TMEM260: variants seen among roughly 807,000 people sequenced by gnomAD.
TMEM260 encodes protein O-mannosyl-transferase TMEM260.
In TMEM260, 82 loss-of-function variants were observed where a neutral mutation model predicts 88.9. That is an observed-to-expected ratio of 0.92 (90% CI 0.77 to 1.11). The LOEUF (loss-of-function observed/expected upper bound fraction) is 1.11. Ranked by LOEUF, TMEM260 falls within the 50% of genes least tolerant of loss-of-function variation. The pLI, the probability that TMEM260 is intolerant of heterozygous loss-of-function variation, is 0.00. For missense variants in TMEM260, 902 were observed against 853.4 expected, an observed-to-expected ratio of 1.06 and a Z score of -0.71; for synonymous variants, 314 against 309.3, an observed-to-expected ratio of 1.02 and a Z score of -0.16.
intron 1 of TMEM260, 80 bp from the exon 2 acceptor site, chr14:56,584,921 G>A (rs947979828): frequency 3.4e-6 from 4 of 1,164,948 alleles, no homozygotes; most frequent in Non-Finnish European, 5.1e-6. Flanking sequence ...AAACCCCAAT[G>A]CAAGCATTTG....
chr14:56,635,813 CAAGA>C (rs1381721711), intron 14 of TMEM260, among the ~76,000 whole-genome samples: 2 of 151,188 alleles, frequency 1.3e-5, no homozygotes, highest in Non-Finnish European at 2.9e-5. Flanking sequence ...AAAGAGTGGT[CAAGA>C]AATACAGCTG....
downstream of TMEM260, among the ~76,000 whole-genome samples, chr14:56,655,163 G>A (rs994415780): frequency 2.0e-5 from 3 of 152,020 alleles, no homozygotes; most frequent in Non-Finnish European, 2.9e-5. Context: ...AGGCTGAGGC[G>A]GGTGGATCAT....
intron 13 of TMEM260, among the ~76,000 whole-genome samples, chr14:56,634,086 T>G (rs1242886121): frequency 6.6e-6 from 1 of 152,204 alleles, no homozygotes; most frequent in Admixed American, 6.5e-5. Flanking sequence ...ATTATCCCCA[T>G]TCTATCAAAT....
At chr14:56,651,756 A>C (rs537276356), downstream of TMEM260, among the ~76,000 whole-genome samples, 3 of 152,370 alleles carry the variant, frequency 2.0e-5, no homozygotes, top group African/African-American at 7.2e-5. Context: ...CATAGAAATA[A>C]GCCAAATCTA....
chr14:56,637,540 C>T (rs1889204498), intron 15 of TMEM260, among the ~76,000 whole-genome samples: 3 of 152,172 alleles, frequency 2.0e-5, no homozygotes, highest in South Asian at 2.1e-4. Context: ...CGGCACTGGC[C>T]ACTTCAGACA....
intron 15 of TMEM260, among the ~76,000 whole-genome samples, chr14:56,641,825 A>G (rs180871326): frequency 2.0e-4 from 31 of 152,360 alleles, no homozygotes; most frequent in African/African-American, 5.3e-4. Flanking sequence ...AGGAAGATCT[A>G]TCAAGCAAAT....
rs1291046200 is a variant in TMEM260, at chr14:56,633,083, A to G, written c.1636A>G (p.Lys546Glu). 2 of 1,613,874 alleles carry G rather than the reference A, an allele frequency of 1.2e-6. No individual in the cohort carries two copies. The highest frequency in any genetic ancestry group is 1.7e-6 in the Non-Finnish European group (2 of 1,179,934). The change falls in exon 13 of 16, where the codon AAA (lysine) becomes GAA (glutamate). Residue 546 changes from lysine to glutamate, a missense_variant. By Grantham distance (56) the Lys-to-Glu change is moderately conservative. Coordinates refer to ENST00000261556, the MANE Select transcript of TMEM260 (RefSeq NM_017799.4). ...YSLWPWGSCD[K>E]LVPLEIVFNP... is the part of the protein sequence containing the mutation. The stretch of plus-strand genomic sequence containing the variant: ...ACTTTGGCCATGGGGGTCTTGTGAC[A>G]AATTAGTTCCTTTGGAGATTGTATT...
chr14:56,640,209 C>A (rs1390214213), intron 15 of TMEM260, among the ~76,000 whole-genome samples: 1 of 152,186 alleles, frequency 6.6e-6, no homozygotes, highest in African/African-American at 2.4e-5. Flanking sequence ...CAAGTGGGTC[C>A]CTGACCCCCG....
At chr14:56,625,039 C>T (rs1888158811) in intron 11 of TMEM260, among the ~76,000 whole-genome samples, 1 of 152,172 alleles carries the variant, frequency 6.6e-6, no homozygotes, top group Non-Finnish European at 1.5e-5. Context: ...ACTGATCTGA[C>T]AGGAGGCAGA....
chr14:56,655,603 A>C (rs892233215), downstream of TMEM260, among the ~76,000 whole-genome samples: 1 of 152,136 alleles, frequency 6.6e-6, no homozygotes, highest in African/African-American at 2.4e-5. Flanking sequence ...TGAACAAATA[A>C]ATAGTTGATT....
At chr14:56,631,613 ACT>A (rs917387840) in intron 12 of TMEM260, among the ~76,000 whole-genome samples, 4 of 107,708 alleles carry the variant, frequency 3.7e-5, no homozygotes, top group Non-Finnish European at 7.6e-5. Context: ...ACAAAGCAAG[ACT>A]CTGTCTCAAA....
chr14:56,595,519 A>G (rs564930811), intron 3 of TMEM260, among the ~76,000 whole-genome samples: 73 of 152,208 alleles, frequency 4.8e-4, no homozygotes, highest in Admixed American at 9.8e-4. Context: ...TCACTCTGTC[A>G]CCCAGGCCAG....
intron 12 of TMEM260, among the ~76,000 whole-genome samples, chr14:56,630,182 ATTTGTC>A (rs1888497964): frequency 6.6e-6 from 1 of 151,822 alleles, no homozygotes. Flanking sequence ...AAGACTTTTT[ATTTGTC>A]TTTAGTTTTC....
chr14:56,620,819 C>A (rs533049794), intron 10 of TMEM260, among the ~76,000 whole-genome samples: 1 of 152,048 alleles, frequency 6.6e-6, no homozygotes, highest in Non-Finnish European at 1.5e-5. Context: ...ACTGTTTTGT[C>A]ATCTTTTTCT....
chr14:56,595,384 T>C (rs752484160), intron 3 of TMEM260, among the ~76,000 whole-genome samples: 8 of 152,228 alleles, frequency 5.3e-5, no homozygotes, highest in Non-Finnish European at 1.0e-4. Context: ...TGATGTGTTT[T>C]GTTTGAAATT....
chr14:56,640,744 G>GA (rs925570291), intron 15 of TMEM260, among the ~76,000 whole-genome samples: 10 of 152,096 alleles, frequency 6.6e-5, no homozygotes, highest in Admixed American at 3.3e-4. Flanking sequence ...TAAAAACCTT[G>GA]AAAAAAATTA....
chr14:56,647,197 A>AG lies in TMEM260; in HGVS notation c.1870-45dup, dbSNP rs767337589. On this transcript the variant is annotated intron_variant, in intron 15 of 15. Transcript: ENST00000261556. ...GTTTTTTTGTTTTTGAAAAAAAAAA[A>AG]GTCAAAGAATAACAATGGAATACCA... 282 of 1,533,540 alleles carry AG rather than the reference A, an allele frequency of 1.8e-4. 1 individual carries two copies. Among genetic ancestry groups the AG allele is most frequent in the Non-Finnish European group, 2.4e-4 (274 of 1,143,042 alleles). 95.0% of individuals were successfully genotyped at this position (1,533,540 alleles called of 1,614,324 possible). A position where few individuals can be genotyped will look rare whatever the true frequency, so the allele number is the denominator to read the frequency against.
chr14:56,607,399 A>G (rs1425840369), intron 5 of TMEM260, among the ~76,000 whole-genome samples: 2 of 152,186 alleles, frequency 1.3e-5, no homozygotes, highest in African/African-American at 4.8e-5. Context: ...GTACTGAGGT[A>G]AGCTACCAGA....
chr14:56,580,696 G>C (rs762464255), intron 1 of TMEM260, among the ~76,000 whole-genome samples: 1 of 152,180 alleles, frequency 6.6e-6, no homozygotes, highest in Non-Finnish European at 1.5e-5. Context: ...AAAGGTGGAA[G>C]CCAGGTGCGG....
Sources: allele counts gnomAD v4.1 joint callset (sites outside exome capture counted in the v4.1 genomes callset), GRCh38; gene constraint gnomAD v4.1.1; transcripts MANE v1.5; gene names NCBI Gene and HGNC (gene_info 2026-07-23, HGNC 2026-07-21).